Variants in PLEKHG4B observed in about 807,000 individuals in gnomAD.
The protein encoded by PLEKHG4B is pleckstrin homology and RhoGEF domain containing G4B.
In PLEKHG4B, 111 loss-of-function variants were observed where a neutral mutation model predicts 121.3. The ratio of observed to expected loss-of-function variants is 0.92; its 90% CI spans 0.78 to 1.07. The LOEUF (loss-of-function observed/expected upper bound fraction) is 1.07, where lower values mean the gene tolerates loss of function less well. PLEKHG4B is among the 50% of genes least tolerant of loss of function. The probability of loss-of-function intolerance (pLI) is 0.00; values close to 1 mark genes in which losing one functional copy is unlikely to be tolerated. For synonymous variants in PLEKHG4B, 738 were observed against 725.0 expected, an observed-to-expected ratio of 1.02 and a Z score of -0.29; for missense variants, 1,831 against 1,757.8, an observed-to-expected ratio of 1.04 and a Z score of -0.74.
intron 3 of PLEKHG4B, 113 bp from the exon 4 acceptor site, chr5:142,934 C>A (rs1424428593): frequency 3.9e-6 from 4 of 1,017,914 alleles, no homozygotes; most frequent in Non-Finnish European, 6.0e-6. Flanking sequence ...TCTCGGAACC[C>A]CCTACTTTCA....
intron 2 of PLEKHG4B, among the ~76,000 whole-genome samples, chr5:134,076 A>AAAAT (rs1734865256): frequency 2.5e-5 from 1 of 40,292 alleles, no homozygotes; most frequent in Admixed American, 3.4e-4. Flanking sequence ...TATATGATAG[A>AAAAT]ATATATATAT....
chr5:95,301 G>A (rs140780120), intron 1 of PLEKHG4B, among the ~76,000 whole-genome samples: 167 of 152,246 alleles, frequency 1.1e-3, no homozygotes, highest in Non-Finnish European at 2.1e-3. Context: ...CCCTGGAGAA[G>A]CTGAGCCTGC....
chr5:120,133 G>T (rs1360156142), intron 2 of PLEKHG4B, among the ~76,000 whole-genome samples: 1 of 152,144 alleles, frequency 6.6e-6, no homozygotes, highest in Non-Finnish European at 1.5e-5. Flanking sequence ...CATGCCTGTG[G>T]TCCCAGCTAC....
intron 6 of PLEKHG4B, among the ~76,000 whole-genome samples, chr5:149,909 A>G (rs1473871215): frequency 6.6e-6 from 1 of 152,236 alleles, no homozygotes; most frequent in Admixed American, 6.5e-5. Flanking sequence ...ACCCTTGTGC[A>G]CGGTTGATGG....
At chr5:160,991 C>T (rs1396578787) in intron 11 of PLEKHG4B, among the ~76,000 whole-genome samples, 15 of 152,294 alleles carry the variant, frequency 9.8e-5, no homozygotes, top group African/African-American at 1.4e-4. Flanking sequence ...TGGGGTCATT[C>T]GGTACCTTCT....
At chr5:94,692 C>T (rs1419386399) in intron 1 of PLEKHG4B, among the ~76,000 whole-genome samples, 1 of 151,864 alleles carries the variant, frequency 6.6e-6, no homozygotes, top group East Asian at 1.9e-4. Context: ...CCCAACATTT[C>T]CCTTTACCTT....
intron 3 of PLEKHG4B, among the ~76,000 whole-genome samples, chr5:142,373 C>T (rs551860906): frequency 3.3e-5 from 5 of 151,926 alleles, no homozygotes; most frequent in Non-Finnish European, 7.4e-5. Flanking sequence ...GTTCCACATA[C>T]GACACGCACA....
rs751988828 is a variant in PLEKHG4B, at chr5:169,344, C to G, written c.3481C>G (p.Arg1161Gly). Residue 1161 changes from arginine (R) to glycine (G), a missense_variant, in exon 14 of 20, where the codon CGA (arginine) becomes GGA (glycine). Transcript: ENST00000637938. ...CGGGATCTCTGTGTCTTCCAGCAGC[C>G]GACTGAGGCACATCATGGCCGAGAT... is the stretch of plus-strand genomic sequence containing the variant. ...EDGRQQVGSS[R>G]LRHIMAEMIA... The G allele has an allele frequency of 1.2e-6, 2 of 1,613,646 alleles. No individual in the cohort carries two copies. The highest frequency in any genetic ancestry group is 1.7e-5 in the Admixed American group (1 of 60,006).
At chr5:178,685 G>C (rs1736838998) in intron 18 of PLEKHG4B, among the ~76,000 whole-genome samples, 1 of 152,162 alleles carries the variant, frequency 6.6e-6, no homozygotes, top group African/African-American at 2.4e-5. Context: ...TATCTTCCTA[G>C]AAACAGAGCC....
At chr5:95,537 T>G (rs537398302) in intron 1 of PLEKHG4B, among the ~76,000 whole-genome samples, 16 of 152,298 alleles carry the variant, frequency 1.1e-4, no homozygotes, top group African/African-American at 3.8e-4. Flanking sequence ...TTCCCCGGCT[T>G]CTGTAGTGCT....
intron 2 of PLEKHG4B, among the ~76,000 whole-genome samples, chr5:117,462 A>G (rs1182226796): frequency 2.0e-5 from 3 of 152,210 alleles, no homozygotes; most frequent in African/African-American, 7.2e-5. Context: ...AATAAATGAC[A>G]TGCTTAATCA....
chr5:155,893 C>A (rs1735761148), intron 9 of PLEKHG4B, among the ~76,000 whole-genome samples, 178 bp from the exon 10 acceptor site: 1 of 151,942 alleles, frequency 6.6e-6, no homozygotes, highest in African/African-American at 2.4e-5. Flanking sequence ...GGGATCTTAT[C>A]CTGGGGCCCA....
intron 3 of PLEKHG4B, 130 bp downstream of exon 3, chr5:140,846 T>G (rs1579279051): frequency 1.3e-5 from 5 of 378,958 alleles, no homozygotes; most frequent in Admixed American, 6.5e-5. Flanking sequence ...CACCACAACC[T>G]CCCCTGCACA....
At chr5:101,615 T>C (rs376104906) in intron 1 of PLEKHG4B, among the ~76,000 whole-genome samples, 100 of 105,040 alleles carry the variant, frequency 9.5e-4, no homozygotes, top group African/African-American at 1.3e-3. Flanking sequence ...CTGGGAAAAG[T>C]CTGTAGGGGA....
Position 144,716 on chromosome 5 carries a change from C to A in PLEKHG4B, c.1812-111C>A, listed in dbSNP as rs141447860. 7.4e-4 allele frequency: 673 copies of A among 913,714 alleles called. 4 individuals carry two copies. The African/African-American group carries it at 9.5e-3, about 13-fold the overall frequency. The allele number at this position is 913,714 out of a possible 1,614,324, so 56.6% of individuals were successfully genotyped here. On this transcript the variant is annotated intron_variant, in intron 5 of 19. Transcript: ENST00000637938. Reference sequence around the variant, plus strand: ...GTTGATGTGTATAGAGAACCCCTAACTTCTAGAGCTGAAAGGAAACCAGTA... The same window carrying A: ...GTTGATGTGTATAGAGAACCCCTAAATTCTAGAGCTGAAAGGAAACCAGTA...
chr5:123,917 T>C lies in PLEKHG4B; in HGVS notation c.243+10469T>C, dbSNP rs569848433. On this transcript the variant is annotated intron_variant, in intron 2 of 19. Coordinates refer to ENST00000637938, the MANE Select transcript of PLEKHG4B (RefSeq NM_052909.5). ...GCTTTGGGTTTAGTTTTTTTCTTCT[T>C]TTTCTAGTTCCTTAAGTTGTAAAGT... is the stretch of plus-strand genomic sequence containing the variant. Among the ~76,000 whole-genome samples, 38 of 152,274 alleles carry C rather than the reference T, an allele frequency of 2.5e-4. No homozygotes were observed. In the South Asian group the frequency reaches 7.5e-3, roughly 30 times the overall value.
At position 168,151 on chromosome 5, in the gene PLEKHG4B, G is replaced by A. The variant is rs151025087; in HGVS notation, c.3477-1189G>A. 5.2e-4 allele frequency among the ~76,000 whole-genome samples: 79 copies of A among 152,304 alleles called. 2 individuals are homozygous for A. The Middle Eastern group carries it at 0.014, about 26-fold the overall frequency. ...CTCCTGCAGATGTGTGTGTTGTCAGGAAGGGCTCTTCAAAGACTCAGAAGT... is the reference window on the plus strand; with the variant it reads ...CTCCTGCAGATGTGTGTGTTGTCAGAAAGGGCTCTTCAAAGACTCAGAAGT... On this transcript the variant is annotated intron_variant, in intron 13 of 19. Transcript: ENST00000637938.
chr5:116,101 C>A (rs1466450774), intron 2 of PLEKHG4B, among the ~76,000 whole-genome samples: 2 of 152,132 alleles, frequency 1.3e-5, no homozygotes, highest in African/African-American at 4.8e-5. Context: ...TGAGAGATGT[C>A]CAACTCTTCC....
intron 1 of PLEKHG4B, among the ~76,000 whole-genome samples, chr5:93,840 G>A (rs768818700): frequency 2.6e-5 from 4 of 152,120 alleles, no homozygotes; most frequent in African/African-American, 4.8e-5. Flanking sequence ...TTGCCCCAAG[G>A]CTCCCTGAGA....
Sources: allele counts gnomAD v4.1 joint callset (sites outside exome capture counted in the v4.1 genomes callset), GRCh38; gene constraint gnomAD v4.1.1; transcripts MANE v1.5; gene names NCBI Gene and HGNC (gene_info 2026-07-23, HGNC 2026-07-21).